The following RASGRF2 variants were observed in gnomAD, a reference collection of about 807,000 sequenced individuals.
RASGRF2 encodes the protein Ras protein specific guanine nucleotide releasing factor 2.
RASGRF2 carries 76 observed loss-of-function variants against 151.0 expected under a neutral mutation model. The ratio of observed to expected loss-of-function variants is 0.50; its 90% CI spans 0.42 to 0.61. The LOEUF (loss-of-function observed/expected upper bound fraction) is 0.61, where lower values mean the gene tolerates loss of function less well. Ranked by LOEUF, RASGRF2 falls within the 20% of genes least tolerant of loss-of-function variation. RASGRF2 has a pLI of 0.00. For missense variants in RASGRF2, 1,148 were observed against 1,564.6 expected, an observed-to-expected ratio of 0.73 and a Z score of 4.49; for synonymous variants, 504 against 566.5, an observed-to-expected ratio of 0.89 and a Z score of 1.57.
At chr5:81,070,618 G>A (rs1181190953) in intron 4 of RASGRF2, 37 bp downstream of exon 4, 11 of 1,522,320 alleles carry the variant, frequency 7.2e-6, no homozygotes, top group African/African-American at 6.9e-5. Context: ...TAGGAGCATG[G>A]TGACCAGTCG....
chr5:81,208,782 C>G (rs1755569540), intron 22 of RASGRF2, among the ~76,000 whole-genome samples: 2 of 151,902 alleles, frequency 1.3e-5, no homozygotes, highest in Admixed American at 1.3e-4. Context: ...AACTCCTGAC[C>G]TCAGGCAATC....
intron 12 of RASGRF2, among the ~76,000 whole-genome samples, chr5:81,097,089 G>A (rs959528176): frequency 6.6e-6 from 1 of 152,092 alleles, no homozygotes; most frequent in African/African-American, 2.4e-5. Context: ...AGCTTCCCGA[G>A]TAGCTGGGAT....
chr5:81,163,488 G>A (rs942117718), intron 17 of RASGRF2, among the ~76,000 whole-genome samples: 1 of 151,986 alleles, frequency 6.6e-6, no homozygotes, highest in African/African-American at 2.4e-5. Context: ...TAGCCAAATA[G>A]GTACATAAGG....
intron 1 of RASGRF2, among the ~76,000 whole-genome samples, chr5:81,018,114 AAAG>A (rs1186993327): frequency 3.3e-5 from 5 of 149,560 alleles, no homozygotes; most frequent in Non-Finnish European, 5.9e-5. Context: ...CTCAAAAAAA[AAAG>A]AAAGAAAGAA....
At chr5:81,003,215 T>G (rs1037316714) in intron 1 of RASGRF2, among the ~76,000 whole-genome samples, 2 of 137,784 alleles carry the variant, frequency 1.5e-5, no homozygotes, top group African/African-American at 5.3e-5. Flanking sequence ...CCACCACACC[T>G]GGCTTTTTTT....
intron 12 of RASGRF2, among the ~76,000 whole-genome samples, chr5:81,099,782 C>T (rs183910180): frequency 2.3e-4 from 35 of 152,166 alleles, no homozygotes; most frequent in Middle Eastern, 3.4e-3. Flanking sequence ...TCTTTTTATA[C>T]TAGGTAGACA....
chr5:81,213,789 A>G (rs889331825), intron 23 of RASGRF2, among the ~76,000 whole-genome samples: 8 of 152,128 alleles, frequency 5.3e-5, no homozygotes, highest in Non-Finnish European at 7.4e-5. Flanking sequence ...TTAGAACTCA[A>G]AAGTCCTCTT....
intron 12 of RASGRF2, among the ~76,000 whole-genome samples, chr5:81,101,278 A>T (rs1400774125): frequency 6.6e-6 from 1 of 152,226 alleles, no homozygotes; most frequent in Non-Finnish European, 1.5e-5. Flanking sequence ...TTACATAACC[A>T]TAAATATTTA....
intron 19 of RASGRF2, among the ~76,000 whole-genome samples, chr5:81,203,679 A>T (rs1755444517): frequency 6.6e-6 from 1 of 152,208 alleles, no homozygotes; most frequent in South Asian, 2.1e-4. Flanking sequence ...CCATTTATGG[A>T]TGTCAAGTTC....
chr5:80,972,485 G>GTT (rs35832264), intron 1 of RASGRF2, among the ~76,000 whole-genome samples: 68 of 151,026 alleles, frequency 4.5e-4, no homozygotes, highest in African/African-American at 1.5e-3. Context: ...ATTGGTCTCT[G>GTT]TTTTTTTCTT....
chr5:81,178,423 C>A (rs1313992805), intron 17 of RASGRF2, among the ~76,000 whole-genome samples: 1 of 152,072 alleles, frequency 6.6e-6, no homozygotes, highest in Non-Finnish European at 1.5e-5. Flanking sequence ...TTGGACACAT[C>A]AAGTTTGAAG....
At chr5:80,972,760 G>C (rs988746159) in intron 1 of RASGRF2, among the ~76,000 whole-genome samples, 1 of 152,192 alleles carries the variant, frequency 6.6e-6, no homozygotes, top group African/African-American at 2.4e-5. Flanking sequence ...GATTACAGGC[G>C]TGAGCCACCG....
intron 18 of RASGRF2, among the ~76,000 whole-genome samples, chr5:81,193,205 T>G (rs918050498): frequency 6.6e-6 from 1 of 152,214 alleles, no homozygotes; most frequent in African/African-American, 2.4e-5. Context: ...TATAGTAAAT[T>G]ACTAATTACT....
intron 23 of RASGRF2, among the ~76,000 whole-genome samples, chr5:81,215,538 T>C (rs1235098369): frequency 5.3e-5 from 8 of 152,182 alleles, no homozygotes; most frequent in Admixed American, 4.6e-4. Context: ...CCCAAAGTGC[T>C]AGGATTCCAG....
chr5:80,970,594 T>C (rs907628814), intron 1 of RASGRF2, among the ~76,000 whole-genome samples: 3 of 152,142 alleles, frequency 2.0e-5, no homozygotes, highest in African/African-American at 7.2e-5. Context: ...ACTAACTCAG[T>C]GTTGTGGTCC....
At chr5:80,977,147 A>C (rs1009125050) in intron 1 of RASGRF2, among the ~76,000 whole-genome samples, 5 of 152,140 alleles carry the variant, frequency 3.3e-5, no homozygotes, top group African/African-American at 1.2e-4. Flanking sequence ...TATTTTCAGC[A>C]TGGTGGTTTG....
chr5:81,169,383 G>A (rs1297367860), intron 17 of RASGRF2, among the ~76,000 whole-genome samples: 8 of 152,132 alleles, frequency 5.3e-5, no homozygotes, highest in African/African-American at 1.7e-4. Flanking sequence ...CAAAACCAAG[G>A]TGTCATCAGG....
At chr5:81,220,636 G>A (rs958331203) in intron 26 of RASGRF2, among the ~76,000 whole-genome samples, 3 of 152,078 alleles carry the variant, frequency 2.0e-5, no homozygotes, top group African/African-American at 7.2e-5. Flanking sequence ...CGCCTGGCTA[G>A]TTTTTTGTAT....
chr5:80,963,102 A>G (rs1747616111), intron 1 of RASGRF2, among the ~76,000 whole-genome samples: 1 of 152,242 alleles, frequency 6.6e-6, no homozygotes, highest in Admixed American at 6.5e-5. Context: ...TGTTTGAATA[A>G]TTAAGAAGAA....
Sources: gnomAD v4.1 joint callset for allele counts (sites outside exome capture counted in the v4.1 genomes callset) on GRCh38, gnomAD v4.1.1 for gene constraint, MANE v1.5 for transcripts, NCBI Gene and HGNC (gene_info 2026-07-23, HGNC 2026-07-21) for gene names.